AHR: variants seen among roughly 807,000 people sequenced by gnomAD.
AHR encodes the protein aryl hydrocarbon receptor.
A neutral mutation model predicts 86.8 loss-of-function variants in AHR; 40 were observed. That is an observed-to-expected ratio of 0.46 (90% CI 0.36 to 0.60). AHR has a LOEUF of 0.60. AHR is among the 20% of genes least tolerant of loss of function. The pLI, the probability that AHR is intolerant of heterozygous loss-of-function variation, is 0.00. For missense variants in AHR, 1,001 were observed against 1,011.6 expected (o/e 0.99, Z 0.14); for synonymous variants, 398 against 354.9 (o/e 1.12, Z -1.37).
At chr7:17,340,594 T>G (rs1235170061) in intron 10 of AHR, among the ~76,000 whole-genome samples, 4 of 152,344 alleles carry the variant, frequency 2.6e-5, no homozygotes, top group Middle Eastern at 6.8e-3. Flanking sequence ...TATGGCTATT[T>G]AAAAATTCAA....
At chr7:17,341,949 A>G (rs1160069244) in intron 10 of AHR, among the ~76,000 whole-genome samples, 1 of 152,302 alleles carries the variant, frequency 6.6e-6, no homozygotes, top group East Asian at 1.9e-4. Flanking sequence ...ACTCACCATT[A>G]TCTGGCCAGG....
intron 10 of AHR, among the ~76,000 whole-genome samples, chr7:17,340,640 T>C (rs1782411571): frequency 6.6e-6 from 1 of 152,188 alleles, no homozygotes; most frequent in Non-Finnish European, 1.5e-5. Context: ...TAAGAATAAT[T>C]TCTTCAAAGC....
At chr7:17,317,895 T>G (rs769459444) in intron 2 of AHR, among the ~76,000 whole-genome samples, 5 of 151,910 alleles carry the variant, frequency 3.3e-5, no homozygotes, top group African/African-American at 1.2e-4. Context: ...TAACTGCTCT[T>G]GTTCCATTAA....
intron 7 of AHR, 81 bp downstream of exon 7, chr7:17,334,195 G>C: frequency 4.9e-6 from 6 of 1,218,290 alleles, no homozygotes; most frequent in Non-Finnish European, 5.9e-6. Flanking sequence ...AAAACATACA[G>C]TGTATGTAAT....
chr7:17,309,991 G>C lies in AHR; in HGVS notation c.121G>C (p.Asp41His). 6.2e-7 allele frequency: 1 copy of C among 1,611,974 alleles called. No individual in the cohort carries two copies. Among genetic ancestry groups the C allele is most frequent in the Non-Finnish European group, 8.5e-7 (1 of 1,178,526 alleles). The part of the protein sequence containing the change: ...IKSNPSKRHR[D>H]RLNTELDRLA... The stretch of plus-strand genomic sequence containing the variant: ...GTCAAATCCTTCCAAGCGGCATAGA[G>C]ACCGACTTAATACAGAGTTGGACCG... The change falls in exon 2 of 11, where the codon GAC becomes CAC. Residue 41 changes from aspartate to histidine, a missense_variant. Asp to His is a moderately conservative substitution (Grantham distance 81, BLOSUM62 -1). Transcript: ENST00000242057.
In AHR at chr7:17,342,805, T is replaced by C. The variant is rs1392314817; in HGVS notation, c.2404-116T>C. 6.1e-6 allele frequency: 6 copies of C among 985,074 alleles called. No homozygotes were observed. In the East Asian group the frequency reaches 7.5e-5, roughly 12 times the overall value. The allele number at this position is 985,074 out of a possible 1,614,324, so 61.0% of individuals were successfully genotyped here. On this transcript the variant is annotated intron_variant, in intron 10 of 10. Coordinates refer to ENST00000242057, the MANE Select transcript of AHR (RefSeq NM_001621.5). ...TAAAATTTAGCAACAGTAAAGGAAC[T>C]TGAAGTTTACAACTCTCAGGGGTAA...
intron 4 of AHR, among the ~76,000 whole-genome samples, chr7:17,329,613 A>G (rs1306709619): frequency 1.3e-5 from 2 of 151,962 alleles, no homozygotes; most frequent in South Asian, 2.1e-4. Flanking sequence ...GAAAAGCTGC[A>G]TGGAAGAGAT....
Position 17,298,916 on chromosome 7 carries a change from G to A in AHR, c.-349G>A. On this transcript the variant is annotated 5_prime_UTR_variant, in exon 1 of 11. Transcript: ENST00000242057. ...ACCCAGGCCAGGATTCTAAATAGAC[G>A]GCCCAGGCTCCTCCTCCGCCCGGGC... The A allele has an allele frequency of 2.4e-6, 1 of 411,108 alleles. No individual in the cohort carries two copies. The highest frequency in any genetic ancestry group is 9.8e-5 in the South Asian group (1 of 10,194). The allele number at this position is 411,108 out of a possible 1,614,324, so 25.5% of individuals were successfully genotyped here.
chr7:17,305,460 C>T (rs1408934795), intron 1 of AHR, among the ~76,000 whole-genome samples: 2 of 152,018 alleles, frequency 1.3e-5, no homozygotes, highest in East Asian at 1.9e-4. Context: ...TTCAGATTTC[C>T]TAGCTGTTAG....
chr7:17,333,742 A>G (rs1042978117), intron 6 of AHR, among the ~76,000 whole-genome samples, 170 bp from the exon 7 acceptor site: 6 of 151,900 alleles, frequency 3.9e-5, no homozygotes, highest in Non-Finnish European at 5.9e-5. Context: ...AGATAGATTT[A>G]ATGGGCGTCC....
intron 5 of AHR, 130 bp downstream of exon 5, chr7:17,330,205 C>G: frequency 1.1e-6 from 1 of 871,762 alleles, no homozygotes; most frequent in Non-Finnish European, 1.7e-6. Flanking sequence ...AGTCTGCAAT[C>G]ATAGGCCACA....
At chr7:17,330,105 TG>T (rs1425982871) in intron 5 of AHR, 30 bp downstream of exon 5, 1 of 1,598,546 alleles carries the variant, frequency 6.3e-7, no homozygotes, top group Non-Finnish European at 8.5e-7. Context: ...AAAATAGTGT[TG>T]GTAGTTTTTA....
At chr7:17,299,387 G>T (rs1243925713) in intron 1 of AHR, 58 bp downstream of exon 1, 6 of 1,582,720 alleles carry the variant, frequency 3.8e-6, no homozygotes, top group Non-Finnish European at 4.3e-6. Context: ...ACGCGGGTGC[G>T]GGAGGCAGCC....
rs968991292 is a variant in AHR at position 17,345,326 on chromosome 7, A to T, written c.*2262A>T. On this transcript the variant is annotated 3_prime_UTR_variant, in exon 11 of 11. Coordinates refer to ENST00000242057, the MANE Select transcript of AHR (RefSeq NM_001621.5). ...GACTCCGTCTCCAAAAAAAAAAAAA[A>T]TACAATTTTTATTTCTTTTACTTTT... The T allele has an allele frequency of 6.6e-6, 1 of 152,498 alleles. No individual in the cohort carries two copies. The highest frequency in any genetic ancestry group is 1.5e-5 in the Non-Finnish European group (1 of 68,000). 9.4% of individuals were successfully genotyped at this position (152,498 alleles called of 1,614,324 possible).
intron 3 of AHR, among the ~76,000 whole-genome samples, chr7:17,323,438 A>G (rs535011213): frequency 8.1e-4 from 124 of 152,248 alleles, no homozygotes; most frequent in African/African-American, 2.9e-3. Flanking sequence ...TAATTTGTCT[A>G]TGAAAGCATT....
chr7:17,302,254 C>G (rs916295582), intron 1 of AHR, among the ~76,000 whole-genome samples: 10 of 151,918 alleles, frequency 6.6e-5, no homozygotes, highest in African/African-American at 2.4e-4. Flanking sequence ...GGTGATTAAG[C>G]CATTATGAAG....
chr7:17,323,653 G>C (rs73301754), intron 3 of AHR, among the ~76,000 whole-genome samples: 178 of 152,096 alleles, frequency 1.2e-3, no homozygotes, highest in African/African-American at 4.0e-3. Flanking sequence ...CCTAAGTTTC[G>C]GTAACTCCAC....
intron 2 of AHR, among the ~76,000 whole-genome samples, chr7:17,311,363 A>G (rs969321674): frequency 2.6e-5 from 4 of 152,138 alleles, no homozygotes; most frequent in Admixed American, 2.0e-4. Flanking sequence ...TAGATTTTGC[A>G]TGTCTAACAA....
intron 2 of AHR, 41 bp downstream of exon 2, chr7:17,310,164 A>G: frequency 6.5e-7 from 1 of 1,547,892 alleles, no homozygotes; most frequent in Non-Finnish European, 8.9e-7. Context: ...TAACGTATAA[A>G]AAATACTTGT....
Sources: allele counts gnomAD v4.1 joint callset (sites outside exome capture counted in the v4.1 genomes callset), GRCh38; gene constraint gnomAD v4.1.1; transcripts MANE v1.5; gene names NCBI Gene and HGNC (gene_info 2026-07-23, HGNC 2026-07-21).